FREM1: variants seen among roughly 807,000 people sequenced by gnomAD.
FREM1 encodes the protein FRAS1 related extracellular matrix 1.
In FREM1, 220 loss-of-function variants were observed where a neutral mutation model predicts 210.1. The ratio of observed to expected loss-of-function variants is 1.05; its 90% confidence interval spans 0.94 to 1.17. FREM1 has a LOEUF of 1.17. Ranked by LOEUF, FREM1 falls within the 50% of genes most tolerant of loss-of-function variation. The pLI is 0.00. For missense variants in FREM1, 3,454 were observed against 2,675.5 expected (o/e 1.29, Z -6.42); for synonymous variants, 1,189 against 980.2 (o/e 1.21, Z -3.98).
chr9:14,739,628 C>G (rs1194961413), intron 36 of FREM1, among the ~76,000 whole-genome samples: 2 of 149,998 alleles, frequency 1.3e-5, no homozygotes, highest in African/African-American at 2.4e-5. Flanking sequence ...TTATTTCATA[C>G]TTTATATGGA....
intron 16 of FREM1, among the ~76,000 whole-genome samples, chr9:14,812,160 C>T (rs1819518764): frequency 6.6e-6 from 1 of 152,108 alleles, no homozygotes. Context: ...TTCCTGTGTA[C>T]CCCACAGTGC....
chr9:14,804,400 A>C (rs569488187), intron 19 of FREM1, among the ~76,000 whole-genome samples: 24 of 152,292 alleles, frequency 1.6e-4, no homozygotes, highest in African/African-American at 5.5e-4. Flanking sequence ...CCTGGCTAAC[A>C]CGGTGAAACC....
chr9:14,805,850 G>T (rs1043239964), intron 18 of FREM1, among the ~76,000 whole-genome samples: 1 of 152,186 alleles, frequency 6.6e-6, no homozygotes, highest in African/African-American at 2.4e-5. Flanking sequence ...GTTTTTGCCT[G>T]AAATACAAGA....
Position 14,748,419 on chromosome 9 carries a change from G to T in FREM1, c.5778C>A (p.Thr1926=). 1 of 1,610,012 alleles carries T rather than the reference G, an allele frequency of 6.2e-7. No homozygotes were observed. Among genetic ancestry groups the T allele is most frequent in the South Asian group, 1.1e-5 (1 of 90,940 alleles). Residue 1926 remains threonine (T), a synonymous_variant, in exon 31 of 37, where the codon ACC becomes ACA. Transcript: ENST00000380880. ...TCCTTACTGTTTTGCCATTCCCACG[G>T]GTCCTAAGCTTCCTTTGAGAAAGAT... The part of the protein sequence containing the change: ...STDLSQRKLR[T]RGNGKTVRPS...
intron 19 of FREM1, among the ~76,000 whole-genome samples, chr9:14,804,352 G>A (rs889105060): frequency 4.6e-5 from 7 of 152,260 alleles, no homozygotes; most frequent in African/African-American, 1.4e-4. Flanking sequence ...TTGGAAGGCC[G>A]AGGCGGGCGG....
chr9:14,823,149 A>G lies in FREM1; in HGVS notation c.2337+11T>C. On this transcript the variant is annotated intron_variant, in intron 13 of 36. Coordinates refer to ENST00000380880, the MANE Select transcript of FREM1 (RefSeq NM_001379081.2). ...CTCCTTTTCATCCTCTATATAGAAC[A>G]TTGTACATACCTCAGGAACTTGATT... is the stretch of plus-strand genomic sequence containing the variant. The G allele has an allele frequency of 1.2e-6, 2 of 1,609,296 alleles. No individual in the cohort carries two copies. The highest frequency in any genetic ancestry group is 1.7e-6 in the Non-Finnish European group (2 of 1,175,848).
intron 27 of FREM1, among the ~76,000 whole-genome samples, chr9:14,760,665 C>T (rs1845325370): frequency 6.6e-6 from 1 of 151,966 alleles, no homozygotes; most frequent in South Asian, 2.1e-4. Context: ...AAGTAACTAA[C>T]TTAAAGGCAA....
chr9:14,862,952 T>C (rs1265962228), intron 3 of FREM1, among the ~76,000 whole-genome samples: 1 of 152,214 alleles, frequency 6.6e-6, no homozygotes, highest in East Asian at 1.9e-4. Context: ...CAAGTTCTTA[T>C]GTAAAACATA....
intron 28 of FREM1, among the ~76,000 whole-genome samples, chr9:14,758,977 T>A (rs1844935170): frequency 6.6e-6 from 1 of 152,124 alleles, no homozygotes; most frequent in African/African-American, 2.4e-5. Flanking sequence ...AAGCTGCCTA[T>A]TTGCCTCATC....
intron 1 of FREM1, among the ~76,000 whole-genome samples, chr9:14,880,500 A>C (rs975683169): frequency 6.6e-6 from 1 of 151,932 alleles, no homozygotes; most frequent in African/African-American, 2.4e-5. Flanking sequence ...GCTACTCAGG[A>C]AACTGAGGCA....
chr9:14,856,466 T>A (rs1225488700), intron 5 of FREM1, among the ~76,000 whole-genome samples: 1 of 152,206 alleles, frequency 6.6e-6, no homozygotes, highest in Admixed American at 6.5e-5. Flanking sequence ...GGTAATAATG[T>A]TCAATATTTG....
At chr9:14,823,384 T>C (rs1243439416) in intron 12 of FREM1, 57 bp from the exon 13 acceptor site, 1 of 1,492,154 alleles carries the variant, frequency 6.7e-7, no homozygotes, top group African/African-American at 1.4e-5. Context: ...TCAAAAGCTT[T>C]TAGAGGTCCA....
Position 14,868,742 on chromosome 9 carries a change from A to T in FREM1, c.234+2T>A. The T allele has an allele frequency of 6.3e-7, 1 of 1,593,122 alleles. No individual in the cohort carries two copies. The highest frequency in any genetic ancestry group is 8.6e-7 in the Non-Finnish European group (1 of 1,164,120). ...GAACAGAAAATCGCAGATAGGACCT[A>T]CCTGTGGAGTGAGTTTCCCAACCCT... On this transcript the variant is annotated splice_donor_variant, in intron 2 of 36. Transcript: ENST00000380880. LOFTEE classifies it high-confidence loss of function.
chr9:14,794,549 G>T (rs1291103074), intron 21 of FREM1, among the ~76,000 whole-genome samples: 1 of 152,152 alleles, frequency 6.6e-6, no homozygotes, highest in Non-Finnish European at 1.5e-5. Flanking sequence ...ATGGGCTGAG[G>T]GGCTGTGATC....
At chr9:14,841,694 C>G in intron 9 of FREM1, 105 bp from the exon 10 acceptor site, 22 of 728,430 alleles carry the variant, frequency 3.0e-5, no homozygotes, top group Non-Finnish European at 4.1e-5. Context: ...CTAGTACATT[C>G]TATGTACCCA....
At chr9:14,872,767 C>T (rs965209077) in intron 1 of FREM1, among the ~76,000 whole-genome samples, 2 of 151,458 alleles carry the variant, frequency 1.3e-5, no homozygotes, top group Non-Finnish European at 2.9e-5. Context: ...GGGAATGCTT[C>T]CAGTTTTTGC....
chr9:14,738,028 T>A (rs1157559062), intron 36 of FREM1, among the ~76,000 whole-genome samples: 1 of 152,170 alleles, frequency 6.6e-6, no homozygotes, highest in African/African-American at 2.4e-5. Flanking sequence ...TGCATATTAT[T>A]TTTCTTCCTC....
chr9:14,895,442 T>C (rs763138449), intron 1 of FREM1, among the ~76,000 whole-genome samples: 1 of 152,280 alleles, frequency 6.6e-6, no homozygotes, highest in African/African-American at 2.4e-5. Context: ...CCAGTGATCT[T>C]TGGCTGCTGC....
chr9:14,792,272 G>GCGCA (rs1472365300), intron 22 of FREM1, among the ~76,000 whole-genome samples: 19 of 142,332 alleles, frequency 1.3e-4, no homozygotes, highest in East Asian at 8.4e-4. Flanking sequence ...ACACACACAC[G>GCGCA]CACACACACA....
Sources: gnomAD v4.1 joint callset for allele counts (sites outside exome capture counted in the v4.1 genomes callset) on GRCh38, gnomAD v4.1.1 for gene constraint, MANE v1.5 for transcripts, NCBI Gene and HGNC (gene_info 2026-07-23, HGNC 2026-07-21) for gene names.